Variants in PARG observed in about 807,000 individuals in gnomAD.
The protein encoded by PARG is poly(ADP-ribose) glycohydrolase.
Under a neutral mutation model 113.0 loss-of-function variants are expected in PARG, and 35 were observed. That is an observed-to-expected ratio of 0.31 (90% CI 0.24 to 0.41). PARG has a LOEUF of 0.41. Ranked by LOEUF, PARG falls within the 10% of genes least tolerant of loss-of-function variation. The pLI, the probability that PARG is intolerant of heterozygous loss-of-function variation, is 1.00. For missense variants in PARG, 797 were observed against 1,169.4 expected (o/e 0.68, Z 4.64); for synonymous variants, 330 against 409.9 (o/e 0.81, Z 2.36).
chr10:49,842,239 T>C (rs782525043), intron 14 of PARG, among the ~76,000 whole-genome samples, 181 bp from the exon 15 acceptor site: 4 of 152,242 alleles, frequency 2.6e-5, no homozygotes, highest in South Asian at 2.1e-4. Context: ...TTGAGGCATA[T>C]ACAGTGTGCA....
chr10:49,923,487 TA>T (rs1421710105), intron 4 of PARG, among the ~76,000 whole-genome samples: 2 of 152,008 alleles, frequency 1.3e-5, no homozygotes, highest in African/African-American at 4.8e-5. Flanking sequence ...TATGCTACTA[TA>T]ATAACTATTA....
intron 7 of PARG, among the ~76,000 whole-genome samples, chr10:49,889,122 T>C (rs1232380971): frequency 6.6e-6 from 1 of 151,394 alleles, no homozygotes; most frequent in African/African-American, 2.4e-5. Flanking sequence ...ATGTTTATAA[T>C]TGCTCAGCCT....
At chr10:49,892,462 G>C (rs1397761749) in intron 7 of PARG, among the ~76,000 whole-genome samples, 2 of 151,888 alleles carry the variant, frequency 1.3e-5, no homozygotes, top group Non-Finnish European at 2.9e-5. Flanking sequence ...TTTGCCTTAA[G>C]AGAAAGCCTA....
chr10:49,941,419 A>G, intron 1 of PARG, 90 bp downstream of exon 1: 2 of 1,009,038 alleles, frequency 2.0e-6, no homozygotes, highest in Non-Finnish European at 3.1e-6. Context: ...ACAAGACCAG[A>G]AAGGAGTGAC....
chr10:49,941,939 C>T lies in PARG; in HGVS notation c.-214G>A. 1 of 966,532 alleles carries T rather than the reference C, an allele frequency of 1.0e-6. No homozygotes were observed. The highest frequency in any genetic ancestry group is 1.6e-6 in the Non-Finnish European group (1 of 620,804). The allele number at this position is 966,532 out of a possible 1,614,324, so 59.9% of individuals were successfully genotyped here. The stretch of plus-strand genomic sequence containing the variant: ...CCTCTTCCACTGGCACCCCACCTGC[C>T]TCAATGCGCCGCTTTGATTCGGGAT... On this transcript the variant is annotated 5_prime_UTR_variant, in exon 1 of 18. Coordinates refer to ENST00000616448, the MANE Select transcript of PARG (RefSeq NM_003631.5).
chr10:49,862,225 T>C (rs1554836099), intron 11 of PARG, among the ~76,000 whole-genome samples: 3 of 151,942 alleles, frequency 2.0e-5, no homozygotes, highest in South Asian at 2.1e-4. Flanking sequence ...TTTCTTTCCC[T>C]TTCAACCATG....
intron 12 of PARG, among the ~76,000 whole-genome samples, chr10:49,860,904 A>C (rs1236764253): frequency 1.3e-5 from 2 of 152,164 alleles, no homozygotes; most frequent in African/African-American, 4.8e-5. Context: ...AAGCATTATA[A>C]ATCAAAAGAT....
chr10:49,894,394 A>G (rs1554842254), intron 7 of PARG, among the ~76,000 whole-genome samples: 2 of 151,988 alleles, frequency 1.3e-5, no homozygotes, highest in African/African-American at 2.4e-5. Context: ...ACAAGTATTT[A>G]TAAGTTTTTT....
chr10:49,932,598 T>C (rs1370945130), intron 3 of PARG, among the ~76,000 whole-genome samples: 4 of 152,128 alleles, frequency 2.6e-5, no homozygotes, highest in Non-Finnish European at 4.4e-5. Context: ...TGCATGCTGA[T>C]TGCACTATCT....
intron 16 of PARG, among the ~76,000 whole-genome samples, chr10:49,828,707 G>A (rs1428721783): frequency 1.3e-5 from 2 of 152,154 alleles, no homozygotes; most frequent in African/African-American, 4.8e-5. Flanking sequence ...TACAATTAAA[G>A]CAGTTCAAAA....
intron 12 of PARG, among the ~76,000 whole-genome samples, chr10:49,857,818 C>G (rs1554835336): frequency 7.1e-6 from 1 of 140,708 alleles, no homozygotes; most frequent in East Asian, 2.1e-4. Context: ...ATTCACTACT[C>G]AACTTCCCTT....
intron 7 of PARG, among the ~76,000 whole-genome samples, chr10:49,907,781 A>C (rs1836935938): frequency 6.6e-6 from 1 of 152,176 alleles, no homozygotes; most frequent in Non-Finnish European, 1.5e-5. Context: ...AACAAAACAA[A>C]ACCCAAAACA....
intron 7 of PARG, among the ~76,000 whole-genome samples, chr10:49,893,851 G>A (rs1345618045): frequency 2.0e-5 from 3 of 150,642 alleles, no homozygotes; most frequent in African/African-American, 4.9e-5. Context: ...CCGCCACCAC[G>A]CCCAGCTAAT....
intron 7 of PARG, among the ~76,000 whole-genome samples, chr10:49,914,413 G>T (rs1837354481): frequency 1.3e-5 from 2 of 152,156 alleles, no homozygotes; most frequent in South Asian, 4.1e-4. Flanking sequence ...CCAATTTCCA[G>T]ACACAAGGAT....
At chr10:49,861,842 A>C (rs1433104281) in intron 11 of PARG, among the ~76,000 whole-genome samples, 179 bp from the exon 12 acceptor site, 6 of 150,376 alleles carry the variant, frequency 4.0e-5, no homozygotes, top group Non-Finnish European at 8.9e-5. Flanking sequence ...CAAACATGTA[A>C]ATATACATAT....
intron 8 of PARG, among the ~76,000 whole-genome samples, chr10:49,880,373 T>G (rs1344772278): frequency 6.6e-6 from 1 of 151,920 alleles, no homozygotes; most frequent in African/African-American, 2.4e-5. Context: ...ATAGAACATG[T>G]AAAAACCACC....
Position 49,912,062 on chromosome 10 carries a change from G to T in PARG, c.1737+3855C>A, listed in dbSNP as rs1435614122. 6.6e-5 allele frequency among the ~76,000 whole-genome samples: 10 copies of T among 152,296 alleles called. No individual in the cohort carries two copies. In the South Asian group the frequency reaches 2.1e-3, roughly 32 times the overall value. ...CACCTGTAATCCCAACACTTTTGGAGGCCGAGGTGTGCAGATCACTTGAGG... is the reference window on the plus strand; with the variant it reads ...CACCTGTAATCCCAACACTTTTGGATGCCGAGGTGTGCAGATCACTTGAGG... On this transcript the variant is annotated intron_variant, in intron 7 of 17. Transcript: ENST00000616448.
intron 16 of PARG, among the ~76,000 whole-genome samples, chr10:49,831,510 T>C (rs1370018945): frequency 5.3e-5 from 8 of 152,170 alleles, no homozygotes; most frequent in African/African-American, 1.9e-4. Flanking sequence ...GCCTTTGTTC[T>C]GCTAATGAGG....
In PARG at chr10:49,941,672, G is replaced by T; in HGVS notation, c.54C>A (p.Ala18=). Residue 18 remains alanine, a synonymous_variant, in exon 1 of 18, where the codon GCC becomes GCA. Transcript: ENST00000616448. ...EPCTKRPRWG[A]ATTSPAASDA... ...CCGAAGCAGCCGGCGAAGTTGTAGC[G>T]GCGCCCCAGCGGGGTCGCTTGGTGC... 6.3e-7 allele frequency: 1 copy of T among 1,596,336 alleles called. No homozygotes were observed. The highest frequency in any genetic ancestry group is 2.3e-5 in the East Asian group (1 of 43,742).
Sources: allele counts gnomAD v4.1 joint callset (sites outside exome capture counted in the v4.1 genomes callset), GRCh38; gene constraint gnomAD v4.1.1; transcripts MANE v1.5; gene names NCBI Gene and HGNC (gene_info 2026-07-23, HGNC 2026-07-21).